CERS6: variants seen among roughly 807,000 people sequenced by gnomAD.
The protein encoded by CERS6 is ceramide synthase 6.
A neutral mutation model predicts 56.8 loss-of-function variants in CERS6; 26 were observed. That is an observed-to-expected ratio of 0.46 (90% CI 0.34 to 0.63). CERS6 has a LOEUF of 0.63. CERS6 is among the 30% of genes least tolerant of loss of function. The probability of loss-of-function intolerance (pLI) is 0.01; values close to 1 mark genes in which losing one functional copy is unlikely to be tolerated. For synonymous variants in CERS6, 164 were observed against 173.3 expected (o/e 0.95, Z 0.42); for missense variants, 415 against 467.5 (o/e 0.89, Z 1.04).
At chr2:168,536,474 GA>G (rs1376941209) in intron 1 of CERS6, among the ~76,000 whole-genome samples, 1 of 146,158 alleles carries the variant, frequency 6.8e-6, no homozygotes, top group African/African-American at 2.4e-5. Context: ...CACACACAGT[GA>G]GATGATAGAT....
intron 4 of CERS6, among the ~76,000 whole-genome samples, chr2:168,654,670 T>C (rs1466633509): frequency 1.3e-5 from 2 of 152,224 alleles, no homozygotes; most frequent in Non-Finnish European, 2.9e-5. Flanking sequence ...CAAAACCTGC[T>C]CTAAATATTC....
intron 4 of CERS6, among the ~76,000 whole-genome samples, chr2:168,662,992 C>G (rs1685669600): frequency 6.6e-6 from 1 of 152,140 alleles, no homozygotes. Flanking sequence ...TAAATGAAAG[C>G]CTGGAATCCA....
intron 3 of CERS6, among the ~76,000 whole-genome samples, chr2:168,599,770 T>G (rs1045439023): frequency 6.6e-6 from 1 of 152,196 alleles, no homozygotes; most frequent in African/African-American, 2.4e-5. Context: ...AAGAATATTG[T>G]CTTGAGCTTC....
chr2:168,478,295 C>A (rs114911064), intron 1 of CERS6, among the ~76,000 whole-genome samples: 207 of 152,238 alleles, frequency 1.4e-3, no homozygotes, highest in African/African-American at 4.6e-3. Context: ...AAAGCCAGGT[C>A]CTCTGTGATT....
At chr2:168,625,737 T>C (rs1176138152) in intron 3 of CERS6, among the ~76,000 whole-genome samples, 1 of 152,120 alleles carries the variant, frequency 6.6e-6, no homozygotes, top group Non-Finnish European at 1.5e-5. Context: ...CCACAGTGGC[T>C]CAGCAGGTAG....
chr2:168,587,531 C>T (rs897147475), intron 3 of CERS6, among the ~76,000 whole-genome samples: 6 of 152,188 alleles, frequency 3.9e-5, no homozygotes, highest in African/African-American at 1.4e-4. Flanking sequence ...GCCTCTGCCT[C>T]AATGTCAAGT....
rs754119588 is a variant in CERS6 at position 168,522,999 on chromosome 2, T to C, written c.171-24597T>C. Among the ~76,000 whole-genome samples, 28 of 152,246 alleles carry C rather than the reference T, an allele frequency of 1.8e-4. 1 individual carries two copies. The highest frequency in any genetic ancestry group is 1.3e-3 in the Admixed American group (20 of 15,282). On this transcript the variant is annotated intron_variant, in intron 1 of 9. Transcript: ENST00000305747. ...ATTTATTATGTGCCAGCAATGATAC[T>C]ATTGATAGCTGTATTAGTAATGCTT...
chr2:168,616,948 A>C lies in CERS6; in HGVS notation c.408-14037A>C, dbSNP rs539267905. Among the ~76,000 whole-genome samples the C allele has an allele frequency of 3.3e-5, 5 of 152,346 alleles. No individual in the cohort carries two copies. In the South Asian group the frequency reaches 8.3e-4, roughly 25 times the overall value. On this transcript the variant is annotated intron_variant, in intron 3 of 9. Transcript: ENST00000305747. Reference sequence around the variant, plus strand: ...CAGAATATGCATTTGATTCATCAGCACATGGAACCTTCTCCAAGACAGACC... The same window carrying C: ...CAGAATATGCATTTGATTCATCAGCCCATGGAACCTTCTCCAAGACAGACC...
At chr2:168,694,744 C>T (rs559309697) in intron 5 of CERS6, among the ~76,000 whole-genome samples, 63 of 152,194 alleles carry the variant, frequency 4.1e-4, no homozygotes, top group African/African-American at 1.4e-3. Flanking sequence ...CTAATTAATG[C>T]TTTTTGAGTT....
At position 168,511,676 on chromosome 2, in the gene CERS6, C is replaced by G. The variant is rs149657913; in HGVS notation, c.171-35920C>G. 6.5e-3 allele frequency among the ~76,000 whole-genome samples: 985 copies of G among 152,224 alleles called. 10 individuals are homozygous for G. Among genetic ancestry groups the G allele is most frequent in the African/African-American group, 0.021 (877 of 41,540 alleles). On this transcript the variant is annotated intron_variant, in intron 1 of 9. Transcript: ENST00000305747. ...TCTTTTTTCTAAAAATGGACTCTTT[C>G]TAGTTTGTTGGAACTTCTCAATTAA...
intron 6 of CERS6, among the ~76,000 whole-genome samples, chr2:168,697,997 A>G (rs561195163): frequency 6.6e-6 from 1 of 152,292 alleles, no homozygotes; most frequent in Non-Finnish European, 1.5e-5. Context: ...CACTGCTGTA[A>G]AGAAGTACCT....
chr2:168,615,573 G>A (rs1355938462), intron 3 of CERS6, among the ~76,000 whole-genome samples: 1 of 148,552 alleles, frequency 6.7e-6, no homozygotes, highest in African/African-American at 2.4e-5. Context: ...AATGCAAAAT[G>A]CTCTGGAAAG....
At chr2:168,522,588 A>C (rs1378455413) in intron 1 of CERS6, among the ~76,000 whole-genome samples, 1 of 152,094 alleles carries the variant, frequency 6.6e-6, no homozygotes, top group Non-Finnish European at 1.5e-5. Context: ...GCTAGAGTGC[A>C]GTGGTACAAT....
At chr2:168,752,229 A>T (rs150906784) in intron 8 of CERS6, among the ~76,000 whole-genome samples, 1 of 151,480 alleles carries the variant, frequency 6.6e-6, no homozygotes, top group Non-Finnish European at 1.5e-5. Flanking sequence ...ATTTGAGCCC[A>T]GGAGTCTGAG....
At chr2:168,694,337 C>G (rs1406757067) in intron 5 of CERS6, among the ~76,000 whole-genome samples, 1 of 152,110 alleles carries the variant, frequency 6.6e-6, no homozygotes, top group Non-Finnish European at 1.5e-5. Context: ...AGTTTTATAC[C>G]TGCTGAGCTG....
intron 8 of CERS6, among the ~76,000 whole-genome samples, chr2:168,746,642 G>C (rs1405698819): frequency 1.3e-5 from 2 of 151,340 alleles, no homozygotes; most frequent in Non-Finnish European, 2.9e-5. Context: ...CTTAAATTCT[G>C]AGTTTTATCC....
At chr2:168,475,673 C>T (rs748774047) in intron 1 of CERS6, among the ~76,000 whole-genome samples, 3 of 152,036 alleles carry the variant, frequency 2.0e-5, no homozygotes, top group Admixed American at 6.6e-5. Context: ...ATTGGGAAAC[C>T]GTTAAGTTTA....
chr2:168,581,882 G>A (rs1180833340), intron 3 of CERS6, among the ~76,000 whole-genome samples: 2 of 152,150 alleles, frequency 1.3e-5, no homozygotes, highest in East Asian at 3.9e-4. Flanking sequence ...GGAAGATGAT[G>A]ATTCTCTCAG....
At chr2:168,637,489 A>G (rs554557110) in intron 4 of CERS6, among the ~76,000 whole-genome samples, 2 of 152,202 alleles carry the variant, frequency 1.3e-5, no homozygotes, top group East Asian at 3.8e-4. Context: ...TCTAAAAAAA[A>G]AGAAAAAATT....
Sources: allele counts gnomAD v4.1 joint callset (sites outside exome capture counted in the v4.1 genomes callset), GRCh38; gene constraint gnomAD v4.1.1; transcripts MANE v1.5; gene names NCBI Gene and HGNC (gene_info 2026-07-23, HGNC 2026-07-21).